Variants in RNF220 observed in about 807,000 individuals in gnomAD.
The protein encoded by RNF220 is ring finger protein 220.
RNF220 carries 7 observed loss-of-function variants against 67.1 expected under a neutral mutation model. That is an observed-to-expected ratio of 0.10 (90% CI 0.06 to 0.20). The LOEUF is 0.20. Among genes scored for constraint, RNF220 ranks in the 10% least tolerant of loss-of-function variants. The pLI is 1.00. For missense variants in RNF220, 565 were observed against 740.3 expected, an observed-to-expected ratio of 0.76 and a Z score of 2.75; for synonymous variants, 270 against 283.2, an observed-to-expected ratio of 0.95 and a Z score of 0.47.
chr1:44,499,557 TTCC>T (rs1657642704), intron 2 of RNF220, among the ~76,000 whole-genome samples: 1 of 152,144 alleles, frequency 6.6e-6, no homozygotes, highest in African/African-American at 2.4e-5. Flanking sequence ...CTCTTGCTGG[TTCC>T]TCCTCCTTTC....
rs150037632 is a variant in RNF220 at position 44,645,011 on chromosome 1, G to A, written c.1240G>A (p.Val414Ile). 1.3e-3 allele frequency: 2,107 copies of A among 1,614,118 alleles called. 24 individuals are homozygous for A. In the African/African-American group the frequency reaches 0.025, roughly 19 times the overall value. The change falls in exon 10 of 15, where the codon GTC becomes ATC. Residue 414 changes from valine to isoleucine, a missense_variant. Transcript: ENST00000361799. The surrounding 1 kb of genome is among the most constrained non-coding windows in gnomAD (Gnocchi z 5.0). Reference sequence around the variant, plus strand: ...CCATGCCAGATACACAGAGGCTGATGTCATCCCCTGCACAGGCGAGGAGCC... The same window carrying A: ...CCATGCCAGATACACAGAGGCTGATATCATCCCCTGCACAGGCGAGGAGCC... ...YGKPQYTEAD[V>I]IPCTGEEPGE...
intron 2 of RNF220, among the ~76,000 whole-genome samples, chr1:44,471,812 G>A (rs1483016927): frequency 2.0e-5 from 3 of 146,864 alleles, no homozygotes; most frequent in South Asian, 2.3e-4. Flanking sequence ...CAACAAGAAC[G>A]AAACTCCATC....
intron 2 of RNF220, among the ~76,000 whole-genome samples, chr1:44,471,964 T>C (rs1263216006): frequency 6.6e-6 from 1 of 152,254 alleles, no homozygotes; most frequent in Non-Finnish European, 1.5e-5. Flanking sequence ...AATAAAATCA[T>C]AAAACCTGTG....
chr1:44,503,805 G>T (rs1658153714), intron 2 of RNF220, among the ~76,000 whole-genome samples: 1 of 152,106 alleles, frequency 6.6e-6, no homozygotes, highest in African/African-American at 2.4e-5. Context: ...GCCACCCTAG[G>T]CCTACTGAAC....
At chr1:44,616,014 AC>A (rs1479857550) in intron 3 of RNF220, among the ~76,000 whole-genome samples, 1 of 152,106 alleles carries the variant, frequency 6.6e-6, no homozygotes, top group Non-Finnish European at 1.5e-5. Flanking sequence ...CAAGATGCTC[AC>A]TCACATGGCT....
chr1:44,559,331 C>T (rs1172592436), intron 2 of RNF220, among the ~76,000 whole-genome samples: 1 of 152,246 alleles, frequency 6.6e-6, no homozygotes, highest in African/African-American at 2.4e-5. Flanking sequence ...CAGGTGCTGA[C>T]AGGAGCAGCC....
In RNF220 at chr1:44,621,410, A is replaced by G. The variant is rs1359774704; in HGVS notation, c.759-1332A>G. Among the ~76,000 whole-genome samples the G allele has an allele frequency of 6.6e-6, 1 of 152,200 alleles. No homozygotes were observed. Among genetic ancestry groups the G allele is most frequent in the Non-Finnish European group, 1.5e-5 (1 of 68,034 alleles). ...CTCGGCACAGTTGACATTTGGGGTC[A>G]GATAATTCTTTGCTGTGAGGGGCTG... On this transcript the variant is annotated intron_variant, in intron 3 of 14. Coordinates refer to ENST00000361799, the MANE Select transcript of RNF220 (RefSeq NM_018150.4). The surrounding 1 kb of genome is among the most constrained non-coding windows in gnomAD (Gnocchi z 4.8).
At chr1:44,508,096 G>T (rs1658610545) in intron 2 of RNF220, among the ~76,000 whole-genome samples, 1 of 151,806 alleles carries the variant, frequency 6.6e-6, no homozygotes, top group African/African-American at 2.4e-5. Context: ...TGGGGGTGGT[G>T]GAGCAGGCTG....
intron 2 of RNF220, among the ~76,000 whole-genome samples, chr1:44,502,353 A>G (rs1365674241): frequency 6.6e-6 from 1 of 152,204 alleles, no homozygotes; most frequent in Admixed American, 6.5e-5. Flanking sequence ...CCATAAAGAT[A>G]ACTCCAGAAC....
At chr1:44,421,756 T>G (rs1649248974) in intron 2 of RNF220, among the ~76,000 whole-genome samples, 1 of 151,990 alleles carries the variant, frequency 6.6e-6, no homozygotes, top group South Asian at 2.1e-4. Context: ...AAAAGCCCCA[T>G]GGGACTTGGG....
chr1:44,431,863 C>T (rs965312649), intron 2 of RNF220, among the ~76,000 whole-genome samples: 4 of 152,150 alleles, frequency 2.6e-5, no homozygotes, highest in Non-Finnish European at 4.4e-5. Flanking sequence ...ATGGCTAAGG[C>T]CAAATATAAG....
At position 44,650,495 on chromosome 1, in the gene RNF220, G is replaced by A. The variant is rs575098832; in HGVS notation, c.1630-209G>A. On this transcript the variant is annotated intron_variant, in intron 14 of 14. Coordinates refer to ENST00000361799, the MANE Select transcript of RNF220 (RefSeq NM_018150.4). This position sits in a 1 kb window ranked among gnomAD's most constrained non-coding sequence, Gnocchi z 4.3. ...TCATTACTGGGGCTCCTGCTGCGGG[G>A]CTGGCCAGGCGGTTTGATCCTGGCG... The A allele has an allele frequency of 1.5e-4, 88 of 594,402 alleles. No homozygotes were observed. Among genetic ancestry groups the A allele is most frequent in the Non-Finnish European group, 2.5e-4 (84 of 331,132 alleles). The allele number at this position is 594,402 out of a possible 1,614,324, so 36.8% of individuals were successfully genotyped here.
intron 3 of RNF220, among the ~76,000 whole-genome samples, chr1:44,620,899 G>A (rs1485545545): frequency 6.6e-6 from 1 of 151,720 alleles, no homozygotes. Flanking sequence ...TAATCTGTGT[G>A]GCTGTTGTGA....
Position 44,649,412 on chromosome 1 carries a change from G to T in RNF220, c.1446-249G>T. On this transcript the variant is annotated intron_variant, in intron 12 of 14. Transcript: ENST00000361799. This position sits in a 1 kb window ranked among gnomAD's most constrained non-coding sequence, Gnocchi z 5.9. ...TTGGGTGGTTGGGAAGACTGCGAAGGAGTGGTTGAAAATGGTTCCCTGGTA... is the reference window on the plus strand; with the variant it reads ...TTGGGTGGTTGGGAAGACTGCGAAGTAGTGGTTGAAAATGGTTCCCTGGTA... The T allele has an allele frequency of 1.8e-6, 1 of 555,542 alleles. No homozygotes were observed. Among genetic ancestry groups the T allele is most frequent in the Non-Finnish European group, 3.2e-6 (1 of 309,816 alleles). 34.4% of individuals were successfully genotyped at this position (555,542 alleles called of 1,614,324 possible).
intron 2 of RNF220, among the ~76,000 whole-genome samples, chr1:44,477,170 AATTCTTTC>A (rs1162055840): frequency 3.1e-4 from 47 of 152,362 alleles, no homozygotes; most frequent in East Asian, 1.9e-4. Flanking sequence ...TCACTTAAAA[AATTCTTTC>A]ATTCAGTAAA....
chr1:44,561,980 CATTTAAAGCTAACTTAACTTAGCTA>C (rs1259649219), intron 2 of RNF220, among the ~76,000 whole-genome samples: 2 of 152,200 alleles, frequency 1.3e-5, no homozygotes, highest in Non-Finnish European at 1.5e-5. Flanking sequence ...TTCCCAGCTA[CATTTAAAGCTAACTTAACTTAGCTA>C]ATTTAAAGCT....
chr1:44,536,690 C>G (rs1251343152), intron 2 of RNF220, among the ~76,000 whole-genome samples: 2 of 152,236 alleles, frequency 1.3e-5, no homozygotes, highest in Non-Finnish European at 2.9e-5. Context: ...AAAGGCCCCC[C>G]TCTGCTGCTG....
chr1:44,614,292 C>T lies in RNF220; in HGVS notation c.753C>T (p.Pro251=). 8.7e-6 allele frequency: 14 copies of T among 1,613,772 alleles called. No individual in the cohort carries two copies. The highest frequency in any genetic ancestry group is 1.1e-5 in the Non-Finnish European group (13 of 1,179,792). Residue 251 remains proline (P), a synonymous_variant, in exon 3 of 15, where the codon CCC becomes CCT. Transcript: ENST00000361799. ...AACTGGAGCAGCTAGCCCAACTGCCCTCGAGGTAAGCCACCTCCCAGGGAG... is the reference window on the plus strand; with the variant it reads ...AACTGGAGCAGCTAGCCCAACTGCCTTCGAGGTAAGCCACCTCCCAGGGAG... ...EQELEQLAQL[P]SSKNSLLKDA... is the part of the protein sequence containing the mutation.
At chr1:44,544,449 G>A (rs922640432) in intron 2 of RNF220, among the ~76,000 whole-genome samples, 4 of 152,208 alleles carry the variant, frequency 2.6e-5, no homozygotes, top group Non-Finnish European at 5.9e-5. Flanking sequence ...TAGCCAGCAC[G>A]AGGTTTTAAT....
Sources: allele counts gnomAD v4.1 joint callset (sites outside exome capture counted in the v4.1 genomes callset), GRCh38; gene constraint gnomAD v4.1.1; non-coding constraint Gnocchi (gnomAD v3.1); transcripts MANE v1.5; gene names NCBI Gene and HGNC (gene_info 2026-07-23, HGNC 2026-07-21).